SEPTIN14: variants seen among roughly 807,000 people sequenced by gnomAD.
The protein encoded by SEPTIN14 is septin 14.
Under a neutral mutation model 53.6 loss-of-function variants are expected in SEPTIN14, and 40 were observed. The ratio of observed to expected loss-of-function variants is 0.75; its 90% CI spans 0.58 to 0.97. The LOEUF is 0.97. SEPTIN14 is among the 50% of genes least tolerant of loss of function. The probability of loss-of-function intolerance (pLI) is 0.00; values close to 1 mark genes in which losing one functional copy is unlikely to be tolerated. For synonymous variants in SEPTIN14, 138 were observed against 166.8 expected (o/e 0.83, Z 1.33); for missense variants, 471 against 508.2 (o/e 0.93, Z 0.70).
chr7:55,818,846 A>G (rs1788840559), intron 7 of SEPTIN14, among the ~76,000 whole-genome samples: 1 of 152,214 alleles, frequency 6.6e-6, no homozygotes, highest in Non-Finnish European at 1.5e-5. Flanking sequence ...TAATATGTAC[A>G]TGGCACATTG....
intron 2 of SEPTIN14, among the ~76,000 whole-genome samples, chr7:55,858,039 A>G (rs180884026): frequency 6.6e-6 from 1 of 152,362 alleles, no homozygotes; most frequent in African/African-American, 2.4e-5. Flanking sequence ...CAACAGCAGC[A>G]ATGCTGGCAA....
At chr7:55,859,938 G>A (rs1789712703) in intron 2 of SEPTIN14, among the ~76,000 whole-genome samples, 1 of 152,180 alleles carries the variant, frequency 6.6e-6, no homozygotes, top group South Asian at 2.1e-4. Flanking sequence ...CCAGCACTTT[G>A]GGAGGCTGAG....
intron 6 of SEPTIN14, 58 bp downstream of exon 6, chr7:55,834,367 G>T: frequency 7.6e-7 from 1 of 1,319,214 alleles, no homozygotes; most frequent in Non-Finnish European, 1.0e-6. Flanking sequence ...TTCTCACACT[G>T]GATTCTGGAT....
intron 7 of SEPTIN14, among the ~76,000 whole-genome samples, chr7:55,815,015 C>A (rs1389437391): frequency 2.0e-5 from 3 of 152,094 alleles, no homozygotes; most frequent in Non-Finnish European, 4.4e-5. Flanking sequence ...TCATTTTCAA[C>A]AAAGGTGCCA....
At chr7:55,837,263 G>T (rs4948080) in intron 5 of SEPTIN14, among the ~76,000 whole-genome samples, 2 of 151,702 alleles carry the variant, frequency 1.3e-5, no homozygotes, top group Non-Finnish European at 2.9e-5. Context: ...CTACAGGCAC[G>T]TGCTGCCATG....
At chr7:55,811,300 G>C in intron 7 of SEPTIN14, 1 of 512,464 alleles carries the variant, frequency 2.0e-6, no homozygotes. Context: ...GACTCAATTG[G>C]CTTGATTCGT....
At chr7:55,836,520 C>A (rs1789209709) in intron 5 of SEPTIN14, among the ~76,000 whole-genome samples, 1 of 152,172 alleles carries the variant, frequency 6.6e-6, no homozygotes, top group African/African-American at 2.4e-5. Flanking sequence ...TGGCAGATCA[C>A]CTGGGGCCAG....
At chr7:55,825,903 C>A (rs1277045242) in intron 6 of SEPTIN14, among the ~76,000 whole-genome samples, 2 of 152,042 alleles carry the variant, frequency 1.3e-5, no homozygotes, top group Non-Finnish European at 2.9e-5. Context: ...GAGATCGAGA[C>A]CATCCTGGCT....
At chr7:55,834,403 C>T (rs978154853) in intron 6 of SEPTIN14, 22 bp downstream of exon 6, 2 of 1,575,892 alleles carry the variant, frequency 1.3e-6, no homozygotes, top group African/African-American at 2.7e-5. Flanking sequence ...GCCTCTTTGT[C>T]AGATATGTTA....
chr7:55,836,104 A>G (rs906247927), intron 5 of SEPTIN14, among the ~76,000 whole-genome samples: 1 of 152,118 alleles, frequency 6.6e-6, no homozygotes, highest in African/African-American at 2.4e-5. Context: ...TGTGTGTATA[A>G]GAACACCTTG....
At chr7:55,833,471 T>A (rs1278563087) in intron 6 of SEPTIN14, among the ~76,000 whole-genome samples, 1 of 151,956 alleles carries the variant, frequency 6.6e-6, no homozygotes, top group Non-Finnish European at 1.5e-5. Context: ...GGCTCACACC[T>A]GTAATCCCAG....
chr7:55,842,885 G>A, intron 5 of SEPTIN14, 57 bp downstream of exon 5: 6 of 1,182,660 alleles, frequency 5.1e-6, no homozygotes, highest in Middle Eastern at 2.3e-4. Context: ...TCCAGCCTGG[G>A]CGACAGAGGG....
intron 2 of SEPTIN14, among the ~76,000 whole-genome samples, chr7:55,853,927 C>A (rs1789561979): frequency 6.6e-6 from 1 of 152,070 alleles, no homozygotes; most frequent in South Asian, 2.1e-4. Context: ...CCAATCTGGG[C>A]AACATAGTGA....
chr7:55,832,975 TAAAAAACAAAGG>T, intron 6 of SEPTIN14, among the ~76,000 whole-genome samples: 1 of 152,050 alleles, frequency 6.6e-6, no homozygotes, highest in African/African-American at 2.4e-5. Flanking sequence ...GAATCTAAAA[TAAAAAACAAAGG>T]AATTCTATAG....
At position 55,820,847 on chromosome 7, in the gene SEPTIN14, G is replaced by T. The variant is rs949559378; in HGVS notation, c.721-1624C>A. ...CCCAGCTACTTGGGAGGCTGAGGCA[G>T]GAGAATTGCTTGAATCCAGGAGGTG... On this transcript the variant is annotated intron_variant, in intron 6 of 9. Transcript: ENST00000388975. Among the ~76,000 whole-genome samples the T allele has an allele frequency of 4.5e-4, 68 of 152,096 alleles. 1 individual carries two copies. Among genetic ancestry groups the T allele is most frequent in the African/African-American group, 1.6e-3 (68 of 41,416 alleles).
intron 5 of SEPTIN14, among the ~76,000 whole-genome samples, chr7:55,837,564 C>A (rs1466838588): frequency 6.6e-6 from 1 of 152,002 alleles, no homozygotes; most frequent in African/African-American, 2.4e-5. Flanking sequence ...GCAGCTTGAA[C>A]CCACTACCCA....
chr7:55,826,579 C>T lies in SEPTIN14; in HGVS notation c.721-7356G>A, dbSNP rs568543581. 7.3e-4 allele frequency among the ~76,000 whole-genome samples: 111 copies of T among 152,286 alleles called. 1 individual carries two copies. Among genetic ancestry groups the T allele is most frequent in the African/African-American group, 2.5e-3 (104 of 41,576 alleles). ...TTGGGAGGCTGAGGCAGGCAGATCA[C>T]CTGAGGTCAGGAGTTCAAGACCAGC... On this transcript the variant is annotated intron_variant, in intron 6 of 9. Coordinates refer to ENST00000388975, the MANE Select transcript of SEPTIN14 (RefSeq NM_207366.3).
At chr7:55,839,878 C>A (rs1789277712) in intron 5 of SEPTIN14, among the ~76,000 whole-genome samples, 1 of 152,166 alleles carries the variant, frequency 6.6e-6, no homozygotes. Context: ...GGTGCGATGG[C>A]TCACGCCTGT....
intron 9 of SEPTIN14, among the ~76,000 whole-genome samples, chr7:55,801,133 C>T (rs1788516538): frequency 6.6e-6 from 1 of 151,598 alleles, no homozygotes; most frequent in Admixed American, 6.6e-5. Flanking sequence ...TAATTTCACA[C>T]CTCAAAAGAA....
Sources: gnomAD v4.1 joint callset for allele counts (sites outside exome capture counted in the v4.1 genomes callset) on GRCh38, gnomAD v4.1.1 for gene constraint, MANE v1.5 for transcripts, NCBI Gene and HGNC (gene_info 2026-07-23, HGNC 2026-07-21) for gene names.